The following SP6 variants were observed in gnomAD, a reference collection of about 807,000 sequenced individuals.
The protein encoded by SP6 is transcription factor Sp6.
A neutral mutation model predicts 23.4 loss-of-function variants in SP6; 10 were observed. That is an observed-to-expected ratio of 0.43 (90% CI 0.26 to 0.72). The LOEUF (loss-of-function observed/expected upper bound fraction) is 0.72, where lower values mean the gene tolerates loss of function less well. Ranked by LOEUF, SP6 falls within the 30% of genes least tolerant of loss-of-function variation. SP6 has a pLI of 0.23. For synonymous variants in SP6, 238 were observed against 238.7 expected (o/e 1.00, Z 0.03); for missense variants, 482 against 523.8 (o/e 0.92, Z 0.78).
chr17:47,856,239 A>G (rs1368542416), upstream of SP6, among the ~76,000 whole-genome samples: 25 of 152,042 alleles, frequency 1.6e-4, no homozygotes. Context: ...CTCCCTTTTC[A>G]TCCTCTTTTT....
At chr17:47,852,793 A>C (rs1197882616), upstream of SP6, among the ~76,000 whole-genome samples, 1 of 152,104 alleles carries the variant, frequency 6.6e-6, no homozygotes, top group East Asian at 1.9e-4. Flanking sequence ...CTCTTTTCTA[A>C]GGCTCATTTC....
the SP6 span, among the ~76,000 whole-genome samples, chr17:47,864,065 A>T: frequency 1.5e-5 from 2 of 132,590 alleles, no homozygotes; most frequent in Admixed American, 8.4e-5. Context: ...GCTGGTCTCG[A>T]ACTCCTGACC....
chr17:47,859,359 G>A (rs1051027602), upstream of SP6, among the ~76,000 whole-genome samples: 1 of 152,136 alleles, frequency 6.6e-6, no homozygotes, highest in Non-Finnish European at 1.5e-5. Context: ...GCACATAGGC[G>A]GCTTTCTCTG....
the SP6 span, among the ~76,000 whole-genome samples, chr17:47,862,411 G>A: frequency 1.3e-5 from 2 of 151,198 alleles, no homozygotes; most frequent in East Asian, 1.9e-4. Flanking sequence ...GGGAGGCTGA[G>A]GCACGAGAAT....
chr17:47,862,298 C>T, the SP6 span, among the ~76,000 whole-genome samples: 6 of 147,708 alleles, frequency 4.1e-5, no homozygotes, highest in East Asian at 3.9e-4. Flanking sequence ...GAACTGAGAT[C>T]GTGCCACTGC....
chr17:47,857,151 AG>A (rs2034003565), upstream of SP6, among the ~76,000 whole-genome samples: 1 of 152,106 alleles, frequency 6.6e-6, no homozygotes, highest in Admixed American at 6.5e-5. Context: ...CAAAATTGGG[AG>A]GACAGGGCCA....
chr17:47,862,037 C>G, the SP6 span, among the ~76,000 whole-genome samples: 1 of 142,340 alleles, frequency 7.0e-6, no homozygotes, highest in Non-Finnish European at 1.5e-5. Context: ...AGAATGAGAC[C>G]CTGTCTCAGA....
chr17:47,850,743 G>A (rs978102177), intron 1 of SP6, among the ~76,000 whole-genome samples, 176 bp downstream of exon 1: 5 of 152,138 alleles, frequency 3.3e-5, no homozygotes, highest in African/African-American at 1.2e-4. Flanking sequence ...AGCCTCCTCG[G>A]TCCCTCCAGT....
At chr17:47,857,915 G>C (rs1050328232), upstream of SP6, among the ~76,000 whole-genome samples, 4 of 151,304 alleles carry the variant, frequency 2.6e-5, no homozygotes, top group Non-Finnish European at 5.9e-5. Context: ...CCGCCCCCTG[G>C]CCCCCACACG....
rs2033884933 is a variant in SP6, at chr17:47,846,385, T to C, written c.*914A>G. 1 of 152,206 alleles carries C rather than the reference T, an allele frequency of 6.6e-6. No homozygotes were observed. The highest frequency in any genetic ancestry group is 6.5e-5 in the Admixed American group (1 of 15,288). The allele number at this position is 152,206 out of a possible 1,614,324, so 9.4% of individuals were successfully genotyped here. On this transcript the variant is annotated 3_prime_UTR_variant, in exon 2 of 2. Coordinates refer to ENST00000536300, the MANE Select transcript of SP6 (RefSeq NM_001258248.2). ...AGGCAACTGGTGGGAACTACATGGA[T>C]TCTACCGCTGGCTGCCTTGAAAACA...
the SP6 span, chr17:47,865,123 C>T: frequency 4.6e-5 from 7 of 152,378 alleles, no homozygotes; most frequent in South Asian, 4.1e-4. Flanking sequence ...CAAACGAATT[C>T]GTTTCGCTCT....
chr17:47,867,900 C>A, the SP6 span, among the ~76,000 whole-genome samples: 1 of 152,178 alleles, frequency 6.6e-6, no homozygotes, highest in African/African-American at 2.4e-5. Context: ...TCAAGCACAG[C>A]CACACTGCCT....
At chr17:47,860,735 T>C (rs2034030241), upstream of SP6, among the ~76,000 whole-genome samples, 1 of 149,618 alleles carries the variant, frequency 6.7e-6, no homozygotes, top group Admixed American at 6.7e-5. Context: ...AATAAATAAA[T>C]AAATAAATAA....
chr17:47,875,243 C>G, the SP6 span, among the ~76,000 whole-genome samples: 1 of 152,122 alleles, frequency 6.6e-6, no homozygotes, highest in Non-Finnish European at 1.5e-5. Flanking sequence ...CCTGCTTCCC[C>G]GGGGGGGCCT....
At chr17:47,867,157 T>G in the SP6 span, among the ~76,000 whole-genome samples, 2 of 151,844 alleles carry the variant, frequency 1.3e-5, no homozygotes, top group African/African-American at 4.8e-5. Context: ...CCAGTGAGGG[T>G]CCCCCTGCAC....
At chr17:47,865,694 C>T in the SP6 span, among the ~76,000 whole-genome samples, 1 of 152,172 alleles carries the variant, frequency 6.6e-6, no homozygotes, top group Non-Finnish European at 1.5e-5. Flanking sequence ...TTGTTAGCAC[C>T]TTTATGACAC....
upstream of SP6, among the ~76,000 whole-genome samples, chr17:47,857,752 G>A (rs564515042): frequency 7.2e-5 from 11 of 152,298 alleles, no homozygotes; most frequent in South Asian, 1.5e-3. Flanking sequence ...GGTGCCATGC[G>A]GCCTGTAGCT....
At position 47,846,957 on chromosome 17, in the gene SP6, G is replaced by A; in HGVS notation, c.*342C>T. 1 of 257,746 alleles carries A rather than the reference G, an allele frequency of 3.9e-6. No individual in the cohort carries two copies. The highest frequency in any genetic ancestry group is 7.3e-6 in the Non-Finnish European group (1 of 136,274). 16.0% of individuals were successfully genotyped at this position (257,746 alleles called of 1,614,324 possible). On this transcript the variant is annotated 3_prime_UTR_variant, in exon 2 of 2. Coordinates refer to ENST00000536300, the MANE Select transcript of SP6 (RefSeq NM_001258248.2). Reference sequence around the variant, plus strand: ...CCGGCCCCACTTCTCTCTGCTCCGGGGACTGGGACTTGCTGTCTCCTCTAG... The same window carrying A: ...CCGGCCCCACTTCTCTCTGCTCCGGAGACTGGGACTTGCTGTCTCCTCTAG...
chr17:47,847,447 T>A lies in SP6; in HGVS notation c.983A>T (p.His328Leu). The change falls in exon 2 of 2, where the codon CAC becomes CTC. Residue 328 changes from histidine (H) to leucine (L), a missense_variant. Physicochemically the swap from His to Leu is moderately conservative, Grantham distance 99 (BLOSUM62 -3). Around this residue, in one of 3 missense-constraint regions of SP6, gnomAD observed 101 missense variants for 99.3 expected, o/e 1.02. Transcript: ENST00000536300. ...GTGGGTTTTCATGTGCTTGGCCAGGTGGTCGCTGCGCATGAAGACGCGGCT... is the reference window on the plus strand; with the variant it reads ...GTGGGTTTTCATGTGCTTGGCCAGGAGGTCGCTGCGCATGAAGACGCGGCT... ...VCSRVFMRSDHLAKHMKTHEG... is the reference protein window; with the variant it reads ...VCSRVFMRSDLLAKHMKTHEG... 1.2e-6 allele frequency: 2 copies of A among 1,613,538 alleles called. No individual in the cohort carries two copies. Among genetic ancestry groups the A allele is most frequent in the Non-Finnish European group, 1.7e-6 (2 of 1,179,880 alleles).
Sources: gnomAD v4.1 joint callset for allele counts (sites outside exome capture counted in the v4.1 genomes callset) on GRCh38, gnomAD v4.1.1 for gene constraint, gnomAD v4.1.1 regional missense constraint, MANE v1.5 for transcripts, NCBI Gene and HGNC (gene_info 2026-07-23, HGNC 2026-07-21) for gene names.